Variants in KSR1 observed in about 807,000 individuals in gnomAD.
KSR1 encodes the protein kinase suppressor of ras 1.
A neutral mutation model predicts 92.9 loss-of-function variants in KSR1; 35 were observed. That is an observed-to-expected ratio of 0.38 (90% confidence interval 0.29 to 0.50). The LOEUF (loss-of-function observed/expected upper bound fraction) is 0.50, where lower values mean the gene tolerates loss of function less well. Among genes scored for constraint, KSR1 ranks in the 20% least tolerant of loss-of-function variants. KSR1 has a pLI of 0.94. For synonymous variants in KSR1, 467 were observed against 472.6 expected, an observed-to-expected ratio of 0.99 and a Z score of 0.15; for missense variants, 972 against 1,158.5, an observed-to-expected ratio of 0.84 and a Z score of 2.34.
rs771341093 is a variant in KSR1, at chr17:27,597,369, C to G, written c.1401C>G (p.Asn467Lys). 1 of 1,613,878 alleles carries G rather than the reference C, an allele frequency of 6.2e-7. No homozygotes were observed. Among genetic ancestry groups the G allele is most frequent in the Non-Finnish European group, 8.5e-7 (1 of 1,179,858 alleles). Reference sequence around the variant, plus strand: ...CGGCGCCCTTCCCGACATCATCCAACCCATCCAGCGCCACCACGCCCCCCA... The same window carrying G: ...CGGCGCCCTTCCCGACATCATCCAAGCCATCCAGCGCCACCACGCCCCCCA... Reference protein sequence around the residue: ...SSPAPFPTSSNPSSATTPPNP... With the variant: ...SSPAPFPTSSKPSSATTPPNP... Residue 467 changes from asparagine to lysine, a missense_variant, in exon 10 of 21, where the codon AAC becomes AAG. This residue lies in a region of KSR1 where 611 missense variants were observed against 668.0 expected (regional missense o/e 0.91). Transcript: ENST00000644974.
rs1195703876 is a variant in KSR1, at chr17:27,597,489, T to C, written c.1468+53T>C. On this transcript the variant is annotated intron_variant, in intron 10 of 20. Coordinates refer to ENST00000644974, the MANE Select transcript of KSR1 (RefSeq NM_001394583.1). ...TCTAAGGGATACAGTCAGATCCCCT[T>C]CTCAGCAGACCCAAGTTCGGCAGAT... The C allele has an allele frequency of 6.6e-6, 10 of 1,523,858 alleles. No homozygotes were observed. The East Asian group carries it at 2.1e-4, about 31-fold the overall frequency. The allele number at this position is 1,523,858 out of a possible 1,614,324, so 94.4% of individuals were successfully genotyped here.
intron 9 of KSR1, 136 bp from the exon 10 acceptor site, chr17:27,597,125 AATGTTAG>A: frequency 1.8e-5 from 16 of 908,186 alleles, no homozygotes; most frequent in Non-Finnish European, 2.6e-5. Flanking sequence ...CCCTTCCTCA[AATGTTAG>A]ATGTGTAAAA....
intron 11 of KSR1, 92 bp from the exon 12 acceptor site, chr17:27,603,742 G>C (rs2073648422): frequency 7.8e-7 from 1 of 1,280,906 alleles, no homozygotes; most frequent in Non-Finnish European, 1.1e-6. Context: ...GGGAAAATCA[G>C]CCTCTCTGGG....
intron 1 of KSR1, among the ~76,000 whole-genome samples, chr17:27,487,793 T>C (rs1362323570): frequency 1.3e-5 from 2 of 152,058 alleles, no homozygotes; most frequent in Non-Finnish European, 1.5e-5. Flanking sequence ...GGGGAGCAGG[T>C]GTGTCATGTG....
chr17:27,521,554 C>T (rs1254964738), intron 1 of KSR1, among the ~76,000 whole-genome samples: 1 of 152,126 alleles, frequency 6.6e-6, no homozygotes, highest in African/African-American at 2.4e-5. Flanking sequence ...GCCTCAGCCT[C>T]TTGAGTAGCT....
chr17:27,608,707 A>T (rs557354550), intron 15 of KSR1, among the ~76,000 whole-genome samples: 1 of 152,272 alleles, frequency 6.6e-6, no homozygotes, highest in South Asian at 2.1e-4. Flanking sequence ...TACAGCTCAG[A>T]CATTAGGAGC....
At chr17:27,604,592 T>C in intron 12 of KSR1, 88 bp from the exon 13 acceptor site, 1 of 1,327,250 alleles carries the variant, frequency 7.5e-7, no homozygotes, top group Non-Finnish European at 1.1e-6. Flanking sequence ...TAAGTACCTT[T>C]GTCTCAGATC....
intron 10 of KSR1, among the ~76,000 whole-genome samples, chr17:27,598,990 T>C (rs1217386657): frequency 6.6e-6 from 1 of 152,250 alleles, no homozygotes; most frequent in East Asian, 1.9e-4. Context: ...GAAAAGATTA[T>C]AGTCACGTGC....
chr17:27,588,697 T>G (rs530492181), intron 6 of KSR1, among the ~76,000 whole-genome samples, 162 bp downstream of exon 6: 1 of 152,342 alleles, frequency 6.6e-6, no homozygotes, highest in East Asian at 1.9e-4. Flanking sequence ...AGCCCTCACC[T>G]TGCCAGGGTG....
In KSR1 at chr17:27,577,499, C is replaced by T. The variant is rs866740060; in HGVS notation, c.380C>T (p.Pro127Leu). The change falls in exon 3 of 21, where the codon CCC becomes CTC. Residue 127 changes from proline to leucine, a missense_variant. Physicochemically the swap from Pro to Leu is moderately conservative, Grantham distance 98. Coordinates refer to ENST00000644974, the MANE Select transcript of KSR1 (RefSeq NM_001394583.1). The surrounding 1 kb of genome is among the most constrained non-coding windows in gnomAD (Gnocchi z 4.5). ...NVRPEVVQEI[P>L]RDLTLDALLE... ...GTCCCTCTGTCCCCTTAGGAGATCC[C>T]CCGAGACCTCACGCTGGATGCCCTG... 1.2e-5 allele frequency: 19 copies of T among 1,552,460 alleles called. No homozygotes were observed. In the Middle Eastern group the frequency reaches 8.7e-4, roughly 71 times the overall value.
intron 2 of KSR1, among the ~76,000 whole-genome samples, chr17:27,556,830 G>A (rs889516768): frequency 3.3e-5 from 5 of 152,232 alleles, no homozygotes; most frequent in African/African-American, 1.2e-4. Context: ...TCATGGGTTG[G>A]TGTGGCCTCT....
chr17:27,611,758 G>A (rs2073924242), intron 18 of KSR1, 129 bp downstream of exon 18: 2 of 1,065,282 alleles, frequency 1.9e-6, no homozygotes, highest in South Asian at 3.0e-5. Flanking sequence ...CACGTGTCTA[G>A]CTAGAGATGA....
intron 6 of KSR1, 64 bp downstream of exon 6, chr17:27,588,599 G>T (rs2073058100): frequency 7.8e-6 from 11 of 1,418,780 alleles, no homozygotes; most frequent in African/African-American, 1.4e-5. Context: ...ATGGGGCCAG[G>T]AGTTCTGGTC....
At chr17:27,526,100 C>T (rs950397067) in intron 1 of KSR1, among the ~76,000 whole-genome samples, 34 of 130,386 alleles carry the variant, frequency 2.6e-4, no homozygotes, top group African/African-American at 6.3e-4. Flanking sequence ...TTCTTTCTCT[C>T]TCTCTCTCTC....
chr17:27,606,833 A>G (rs528902288), intron 14 of KSR1, among the ~76,000 whole-genome samples: 2 of 152,096 alleles, frequency 1.3e-5, no homozygotes, highest in South Asian at 2.1e-4. Flanking sequence ...AAAACAGGTA[A>G]TTAATTAATG....
intron 3 of KSR1, among the ~76,000 whole-genome samples, chr17:27,580,077 A>C (rs1310070760): frequency 6.6e-6 from 1 of 151,974 alleles, no homozygotes; most frequent in East Asian, 1.9e-4. Context: ...CGGTGCACAC[A>C]TCAAGACCCA....
chr17:27,595,519 G>A (rs4795774), intron 9 of KSR1, among the ~76,000 whole-genome samples: 21,220 of 152,236 alleles, frequency 0.14, 1,639 homozygotes, highest in Admixed American at 0.23. Flanking sequence ...CAGCTAAGTG[G>A]TGGTGGAAGC....
intron 1 of KSR1, among the ~76,000 whole-genome samples, chr17:27,484,069 A>G (rs1239704558): frequency 6.6e-6 from 1 of 151,992 alleles, no homozygotes; most frequent in African/African-American, 2.4e-5. Context: ...GGTTTAGAGG[A>G]GGCTGACTTG....
intron 1 of KSR1, among the ~76,000 whole-genome samples, chr17:27,470,287 G>T: frequency 6.7e-6 from 1 of 148,332 alleles, no homozygotes; most frequent in South Asian, 2.2e-4. Context: ...TGTGGCCCAG[G>T]CTGGAGTGCA....
Sources: gnomAD v4.1 joint callset for allele counts (sites outside exome capture counted in the v4.1 genomes callset) on GRCh38, gnomAD v4.1.1 for gene constraint, gnomAD v4.1.1 regional missense constraint, Gnocchi (gnomAD v3.1) non-coding constraint, MANE v1.5 for transcripts, NCBI Gene and HGNC (gene_info 2026-07-23, HGNC 2026-07-21) for gene names.